RYR3: variants seen among roughly 807,000 people sequenced by gnomAD.
The protein encoded by RYR3 is brain ryanodine receptor-calcium release channel.
A neutral mutation model predicts 584.3 loss-of-function variants in RYR3; 207 were observed. That is an observed-to-expected ratio of 0.35 (90% CI 0.32 to 0.40). The LOEUF (loss-of-function observed/expected upper bound fraction) is 0.40, where lower values mean the gene tolerates loss of function less well. Ranked by LOEUF, RYR3 falls within the 10% of genes least tolerant of loss-of-function variation. The pLI, the probability that RYR3 is intolerant of heterozygous loss-of-function variation, is 1.00. For missense variants in RYR3, 5,616 were observed against 6,089.2 expected (o/e 0.92, Z 2.59); for synonymous variants, 2,416 against 2,248.5 (o/e 1.07, Z -2.11).
rs576379529 is a variant in RYR3 at position 33,638,614 on chromosome 15, G to A, written c.3556+2064G>A. 6.6e-5 allele frequency among the ~76,000 whole-genome samples: 10 copies of A among 152,290 alleles called. No individual in the cohort carries two copies. In the South Asian group the frequency reaches 1.7e-3, roughly 25 times the overall value. On this transcript the variant is annotated intron_variant, in intron 27 of 103. Coordinates refer to ENST00000634891, the MANE Select transcript of RYR3 (RefSeq NM_001036.6). ...CCACCCCAGACCAGAATCAGAATCT[G>A]CATTCTGACGAGACACTGGTGATTT... is the stretch of plus-strand genomic sequence containing the variant.
intron 5 of RYR3, among the ~76,000 whole-genome samples, chr15:33,537,237 G>T (rs750190112): frequency 6.6e-6 from 1 of 150,972 alleles, no homozygotes; most frequent in Admixed American, 6.6e-5. Context: ...GGTTAGATTC[G>T]CTTGCATGAT....
At chr15:33,511,073 TA>T (rs2052941552) in intron 3 of RYR3, among the ~76,000 whole-genome samples, 2 of 152,162 alleles carry the variant, frequency 1.3e-5, no homozygotes, top group South Asian at 4.1e-4. Context: ...ATTGCAATTC[TA>T]TGAGAAATTC....
chr15:33,768,754 T>C, intron 61 of RYR3, 47 bp downstream of exon 61: 1 of 1,579,210 alleles, frequency 6.3e-7, no homozygotes, highest in Non-Finnish European at 8.7e-7. Context: ...GTAATTATCT[T>C]GAACTTGCAC....
At chr15:33,667,303 C>T (rs577175711) in intron 36 of RYR3, among the ~76,000 whole-genome samples, 33 of 152,304 alleles carry the variant, frequency 2.2e-4, no homozygotes, top group African/African-American at 7.9e-4. Context: ...GTTCAATGAC[C>T]TGGGGTCGTG....
At chr15:33,393,615 C>A (rs2596196) in intron 1 of RYR3, among the ~76,000 whole-genome samples, 135,921 of 152,246 alleles carry the variant, frequency 0.89, 60,835 homozygotes, top group East Asian at 1. Flanking sequence ...AACTCAAGGA[C>A]AATTCGACAA....
At chr15:33,739,685 A>C (rs1251903334) in intron 50 of RYR3, 147 bp from the exon 51 acceptor site, 3 of 579,006 alleles carry the variant, frequency 5.2e-6, no homozygotes, top group Non-Finnish European at 8.8e-6. Flanking sequence ...CCACCAGAAA[A>C]TATTTAAGGG....
At chr15:33,854,979 A>T in intron 98 of RYR3, 67 bp downstream of exon 98, 1 of 1,440,882 alleles carries the variant, frequency 6.9e-7, no homozygotes. Flanking sequence ...AACAGCAGGT[A>T]GTATACAGTA....
intron 5 of RYR3, among the ~76,000 whole-genome samples, chr15:33,538,275 G>T (rs966169864): frequency 1.3e-5 from 2 of 152,054 alleles, no homozygotes; most frequent in Non-Finnish European, 2.9e-5. Context: ...GCTGAGGCTT[G>T]TTGTCTGTTA....
At chr15:33,763,061 C>A (rs970092875) in intron 60 of RYR3, among the ~76,000 whole-genome samples, 3 of 152,154 alleles carry the variant, frequency 2.0e-5, no homozygotes, top group Non-Finnish European at 4.4e-5. Context: ...AACTGGCTAT[C>A]CATATGCAGA....
intron 19 of RYR3, among the ~76,000 whole-genome samples, chr15:33,619,179 T>C (rs1440727916): frequency 6.6e-6 from 1 of 152,184 alleles, no homozygotes; most frequent in Non-Finnish European, 1.5e-5. Context: ...ATCTGAGTTA[T>C]AGAAAGAACC....
intron 43 of RYR3, among the ~76,000 whole-genome samples, chr15:33,707,310 C>A (rs1446680433): frequency 6.6e-6 from 1 of 152,088 alleles, no homozygotes; most frequent in East Asian, 1.9e-4. Flanking sequence ...AAGAAACTCA[C>A]CGCAGAGAGG....
At chr15:33,624,830 G>A (rs1273363940) in intron 20 of RYR3, among the ~76,000 whole-genome samples, 1 of 152,184 alleles carries the variant, frequency 6.6e-6, no homozygotes, top group African/African-American at 2.4e-5. Flanking sequence ...AAGAGACCAT[G>A]CCTCTAAGGC....
intron 1 of RYR3, among the ~76,000 whole-genome samples, chr15:33,405,741 G>A (rs556292295): frequency 6.6e-6 from 1 of 152,168 alleles, no homozygotes; most frequent in Non-Finnish European, 1.5e-5. Flanking sequence ...CTTGTTAATC[G>A]AACTGGGTAG....
chr15:33,656,638 GA>G (rs1303558216), intron 32 of RYR3, among the ~76,000 whole-genome samples: 1 of 152,190 alleles, frequency 6.6e-6, no homozygotes, highest in Non-Finnish European at 1.5e-5. Flanking sequence ...GGCTCATCTG[GA>G]GGCTCTAAGG....
chr15:33,794,315 A>G (rs2075430131), intron 67 of RYR3, among the ~76,000 whole-genome samples: 1 of 119,668 alleles, frequency 8.4e-6, no homozygotes, highest in Non-Finnish European at 1.7e-5. Context: ...ATTTTTATAT[A>G]TATATATTTT....
At chr15:33,576,010 A>G (rs1181022747) in intron 12 of RYR3, among the ~76,000 whole-genome samples, 1 of 152,218 alleles carries the variant, frequency 6.6e-6, no homozygotes, top group African/African-American at 2.4e-5. Context: ...GAAAATTGAG[A>G]AAGAATGGAT....
intron 12 of RYR3, among the ~76,000 whole-genome samples, chr15:33,578,990 G>C (rs2058458636): frequency 6.6e-6 from 1 of 152,134 alleles, no homozygotes. Flanking sequence ...TATTCTCTCT[G>C]TGTTGAAGGG....
intron 64 of RYR3, among the ~76,000 whole-genome samples, chr15:33,778,170 A>AAAATAAATAAATAAAT (rs112695825): frequency 0.12 from 17,474 of 148,178 alleles, 1,263 homozygotes; most frequent in Middle Eastern, 0.18. Flanking sequence ...ACTCTGTCTC[A>AAAATAAATAAATAAAT]AAATAAATAA....
chr15:33,690,763 T>A (rs910939606), intron 38 of RYR3, among the ~76,000 whole-genome samples: 4 of 152,230 alleles, frequency 2.6e-5, no homozygotes, highest in Non-Finnish European at 5.9e-5. Context: ...TGAAAATTAC[T>A]GAGAACCCCA....
Sources: gnomAD v4.1 joint callset for allele counts (sites outside exome capture counted in the v4.1 genomes callset) on GRCh38, gnomAD v4.1.1 for gene constraint, MANE v1.5 for transcripts, NCBI Gene and HGNC (gene_info 2026-07-23, HGNC 2026-07-21) for gene names.